The following GLIS3 variants were observed in gnomAD, a reference collection of about 807,000 sequenced individuals.
The protein encoded by GLIS3 is GLIS family zinc finger 3, also known as zinc finger protein GLIS3.
Under a neutral mutation model 78.6 loss-of-function variants are expected in GLIS3, and 53 were observed. The ratio of observed to expected loss-of-function variants is 0.67; its 90% CI spans 0.54 to 0.85. The LOEUF (loss-of-function observed/expected upper bound fraction) is 0.85, where lower values mean the gene tolerates loss of function less well. Ranked by LOEUF, GLIS3 falls within the 40% of genes least tolerant of loss-of-function variation. The probability of loss-of-function intolerance (pLI) is 0.00; values close to 1 mark genes in which losing one functional copy is unlikely to be tolerated. For missense variants in GLIS3, 1,703 were observed against 1,231.1 expected, an observed-to-expected ratio of 1.38 and a Z score of -5.74; for synonymous variants, 684 against 509.9, an observed-to-expected ratio of 1.34 and a Z score of -4.60.
At chr9:4,087,114 C>T (rs1206011611) in intron 4 of GLIS3, among the ~76,000 whole-genome samples, 5 of 152,110 alleles carry the variant, frequency 3.3e-5, no homozygotes, top group Non-Finnish European at 7.4e-5. Context: ...TATTTGTTTG[C>T]AGCCAATAAA....
At chr9:4,294,260 G>A (rs1563912165) in intron 1 of GLIS3, among the ~76,000 whole-genome samples, 1 of 152,228 alleles carries the variant, frequency 6.6e-6, no homozygotes, top group Non-Finnish European at 1.5e-5. Context: ...TGTAATCCCA[G>A]TACTTTGGGA....
intron 4 of GLIS3, among the ~76,000 whole-genome samples, chr9:4,044,741 G>A (rs1028209734): frequency 6.6e-6 from 1 of 152,180 alleles, no homozygotes; most frequent in Non-Finnish European, 1.5e-5. Context: ...AGAGACACTA[G>A]CATGCTTTCT....
intron 6 of GLIS3, among the ~76,000 whole-genome samples, chr9:3,899,879 G>C (rs1476492908): frequency 6.6e-6 from 1 of 152,204 alleles, no homozygotes; most frequent in Non-Finnish European, 1.5e-5. Flanking sequence ...TAAATGCTAT[G>C]GAGAAAAGTG....
intron 7 of GLIS3, among the ~76,000 whole-genome samples, chr9:3,884,759 G>A (rs1019391154): frequency 6.6e-6 from 1 of 152,170 alleles, no homozygotes; most frequent in South Asian, 2.1e-4. Context: ...CTTAGGTCAC[G>A]TGGCAGGCAA....
At chr9:4,123,643 A>T in intron 3 of GLIS3, 1 of 385,558 alleles carries the variant, frequency 2.6e-6, no homozygotes, top group Non-Finnish European at 4.6e-6. Context: ...AAAGCTTATA[A>T]TATATTAACT....
the GLIS3 span, among the ~76,000 whole-genome samples, chr9:4,479,207 T>G: frequency 6.6e-6 from 1 of 152,214 alleles, no homozygotes; most frequent in Non-Finnish European, 1.5e-5. Context: ...ATTATAGGCA[T>G]GAGCCACTGC....
chr9:4,088,850 G>A (rs1829259014), intron 4 of GLIS3, among the ~76,000 whole-genome samples: 2 of 152,224 alleles, frequency 1.3e-5, no homozygotes, highest in African/African-American at 4.8e-5. Flanking sequence ...CAAAAGTTGA[G>A]ATACTTCACA....
the GLIS3 span, among the ~76,000 whole-genome samples, chr9:4,390,549 A>C: frequency 2.6e-5 from 4 of 152,136 alleles, no homozygotes; most frequent in African/African-American, 9.7e-5. Flanking sequence ...TAAACTTCAT[A>C]AACTGCAAGT....
At chr9:4,046,095 C>G (rs988143868) in intron 4 of GLIS3, among the ~76,000 whole-genome samples, 2 of 152,090 alleles carry the variant, frequency 1.3e-5, no homozygotes, top group South Asian at 4.1e-4. Flanking sequence ...TATTGCTGTA[C>G]CAAAATATGG....
chr9:3,995,555 A>T (rs954951668), intron 4 of GLIS3, among the ~76,000 whole-genome samples: 3 of 152,104 alleles, frequency 2.0e-5, no homozygotes, highest in Non-Finnish European at 4.4e-5. Context: ...AAATTTTTTT[A>T]AAAAAGAAAA....
chr9:4,255,586 T>C (rs967152339), intron 2 of GLIS3, among the ~76,000 whole-genome samples: 8 of 152,132 alleles, frequency 5.3e-5, no homozygotes, highest in African/African-American at 1.9e-4. Context: ...CTTAAATGCA[T>C]ATTACTAAGT....
intron 4 of GLIS3, among the ~76,000 whole-genome samples, chr9:4,046,670 T>C (rs1229335753): frequency 1.3e-5 from 2 of 152,326 alleles, no homozygotes; most frequent in East Asian, 1.9e-4. Context: ...ACTTCTAGCG[T>C]TGCATTTTTT....
chr9:3,967,004 C>G lies in GLIS3; in HGVS notation c.1711-29815G>C, dbSNP rs7020453. Among the ~76,000 whole-genome samples the G allele has an allele frequency of 4.4e-3, 294 of 66,546 alleles. 1 individual carries two copies. Among genetic ancestry groups the G allele is most frequent in the African/African-American group, 0.017 (289 of 17,252 alleles). The allele number at this position is 66,546 out of a possible 152,430, so 43.7% of individuals were successfully genotyped here. On this transcript the variant is annotated intron_variant, in intron 4 of 10. Transcript: ENST00000381971. ...TCCTACCCTCAACTCCAGACAATTT[C>G]TTTCTGCAAAAAAAAAAAAAAAAAA...
chr9:4,205,899 T>C (rs942469851), intron 2 of GLIS3, among the ~76,000 whole-genome samples: 7 of 152,198 alleles, frequency 4.6e-5, no homozygotes, highest in South Asian at 2.1e-4. Context: ...AAAAGAAAAC[T>C]GTTTAGGCTG....
At chr9:3,945,874 G>A (rs140371736) in intron 4 of GLIS3, among the ~76,000 whole-genome samples, 181 of 152,252 alleles carry the variant, frequency 1.2e-3, no homozygotes, top group Admixed American at 2.6e-3. Context: ...AGAAGGGAAG[G>A]GGGAGGAAGA....
At chr9:4,094,891 AATTTT>A (rs1564039276) in intron 4 of GLIS3, among the ~76,000 whole-genome samples, 1 of 149,326 alleles carries the variant, frequency 6.7e-6, no homozygotes, top group African/African-American at 2.4e-5. Flanking sequence ...TTAATTGCTT[AATTTT>A]ATTTTTATTT....
At chr9:4,282,184 G>A (rs373035786) in intron 2 of GLIS3, among the ~76,000 whole-genome samples, 42 of 152,176 alleles carry the variant, frequency 2.8e-4, no homozygotes, top group African/African-American at 9.9e-4. Context: ...CACTTTCAAA[G>A]CTTAGAAAAT....
intron 4 of GLIS3, among the ~76,000 whole-genome samples, chr9:4,089,528 A>C (rs1829315635): frequency 6.6e-6 from 1 of 152,222 alleles, no homozygotes; most frequent in African/African-American, 2.4e-5. Context: ...CCAAAATGTT[A>C]AAAACATAAA....
the GLIS3 span, among the ~76,000 whole-genome samples, chr9:4,445,062 G>A: frequency 1.4e-4 from 22 of 152,016 alleles, no homozygotes; most frequent in African/African-American, 2.4e-4. Context: ...TAATCATTAT[G>A]CATCAACTCT....
Sources: allele counts gnomAD v4.1 joint callset (sites outside exome capture counted in the v4.1 genomes callset), GRCh38; gene constraint gnomAD v4.1.1; transcripts MANE v1.5; gene names NCBI Gene and HGNC (gene_info 2026-07-23, HGNC 2026-07-21).